The following HGSNAT variants were observed in gnomAD, a reference collection of about 807,000 sequenced individuals.
The protein encoded by HGSNAT is transmembrane protein 76.
In HGSNAT, 59 loss-of-function variants were observed where a neutral mutation model predicts 85.2. That is an observed-to-expected ratio of 0.69 (90% CI 0.56 to 0.86). The LOEUF (loss-of-function observed/expected upper bound fraction) is 0.86, where lower values mean the gene tolerates loss of function less well. Among genes scored for constraint, HGSNAT ranks in the 40% least tolerant of loss-of-function variants. HGSNAT has a pLI of 0.00. For synonymous variants in HGSNAT, 321 were observed against 304.5 expected (o/e 1.05, Z -0.56); for missense variants, 756 against 777.1 (o/e 0.97, Z 0.32).
rs149500438 is a variant in HGSNAT at position 43,197,294 on chromosome 8, G to T, written c.1542+269G>T. On this transcript the variant is annotated intron_variant, in intron 15 of 17. Coordinates refer to ENST00000379644, the MANE Select transcript of HGSNAT (RefSeq NM_152419.3). ...AAATGTGAGGTATGGGCTCTGTGTGGAGAGGCGTATCAGAGAGACTGGGCA... is the reference window on the plus strand; with the variant it reads ...AAATGTGAGGTATGGGCTCTGTGTGTAGAGGCGTATCAGAGAGACTGGGCA... 484 of 552,580 alleles carry T rather than the reference G, an allele frequency of 8.8e-4. 3 individuals are homozygous for T. In the East Asian group the frequency reaches 0.013, roughly 15 times the overall value. The allele number at this position is 552,580 out of a possible 1,614,324, so 34.2% of individuals were successfully genotyped here.
At chr8:43,197,609 G>C in intron 15 of HGSNAT, 63 bp from the exon 16 acceptor site, 5 of 1,247,810 alleles carry the variant, frequency 4.0e-6, no homozygotes, top group Non-Finnish European at 5.9e-6. Context: ...TATTGGTGTT[G>C]AAACCAAGTG....
intron 2 of HGSNAT, among the ~76,000 whole-genome samples, chr8:43,155,004 CTG>C (rs1175518808): frequency 3.9e-5 from 6 of 152,186 alleles, no homozygotes; most frequent in Non-Finnish European, 2.9e-5. Flanking sequence ...TGAGAAGTGT[CTG>C]TTCATATCCT....
chr8:43,177,102 A>C (rs1299281759), intron 9 of HGSNAT, among the ~76,000 whole-genome samples: 1 of 152,190 alleles, frequency 6.6e-6, no homozygotes, highest in African/African-American at 2.4e-5. Flanking sequence ...AACAGTGGTG[A>C]AAAGTAGGCA....
At chr8:43,175,778 G>A (rs948402356) in intron 9 of HGSNAT, among the ~76,000 whole-genome samples, 4 of 151,600 alleles carry the variant, frequency 2.6e-5, no homozygotes, top group African/African-American at 9.7e-5. Flanking sequence ...TGTTGGCCAG[G>A]CTGGTCTTGA....
Position 43,150,006 on chromosome 8 carries a change from G to A in HGSNAT, c.234+2943G>A, listed in dbSNP as rs562778812. On this transcript the variant is annotated intron_variant, in intron 2 of 17. Transcript: ENST00000379644. Reference sequence around the variant, plus strand: ...GAGTCTTGCTCTGTCGCCCAGGCTGGAGTGCAGTGGCACGATCTCACCTCA... The same window carrying A: ...GAGTCTTGCTCTGTCGCCCAGGCTGAAGTGCAGTGGCACGATCTCACCTCA... Among the ~76,000 whole-genome samples, 3 of 151,818 alleles carry A rather than the reference G, an allele frequency of 2.0e-5. No homozygotes were observed. In the South Asian group the frequency reaches 6.3e-4, roughly 32 times the overall value.
At chr8:43,197,156 G>A (rs1804752639) in intron 15 of HGSNAT, 131 bp downstream of exon 15, 1 of 658,332 alleles carries the variant, frequency 1.5e-6, no homozygotes, top group African/African-American at 1.8e-5. Flanking sequence ...TTCTTCACTT[G>A]AATAACAGAG....
chr8:43,158,949 G>A lies in HGSNAT; in HGVS notation c.398G>A (p.Gly133Glu). Residue 133 changes from glycine (G) to glutamate (E), a missense_variant, in exon 4 of 18, where the codon GGA (glycine) becomes GAA (glutamate). Coordinates refer to ENST00000379644, the MANE Select transcript of HGSNAT (RefSeq NM_152419.3). ...TTGGAATACAGATTTGGAGAATTTG[G>A]AAACTATTCTCTCTTGGTAAAGAAC... The part of the protein sequence containing the change: ...CRLEYRFGEF[G>E]NYSLLVKNIH... 3 of 1,611,300 alleles carry A rather than the reference G, an allele frequency of 1.9e-6. No homozygotes were observed. Among genetic ancestry groups the A allele is most frequent in the Non-Finnish European group, 2.5e-6 (3 of 1,178,156 alleles).
At chr8:43,198,010 G>A in intron 17 of HGSNAT, 58 bp downstream of exon 17, 3 of 1,223,020 alleles carry the variant, frequency 2.5e-6, no homozygotes, top group Middle Eastern at 2.2e-4. Flanking sequence ...CAGGCCCAGG[G>A]ACCTCTGGAG....
intron 2 of HGSNAT, among the ~76,000 whole-genome samples, chr8:43,150,101 C>T (rs1433340325): frequency 1.3e-5 from 2 of 152,110 alleles, no homozygotes; most frequent in Middle Eastern, 3.4e-3. Context: ...GGACTACAGG[C>T]GCCCGCCACC....
At chr8:43,196,811 G>T in intron 14 of HGSNAT, 137 bp from the exon 15 acceptor site, 1 of 647,128 alleles carries the variant, frequency 1.5e-6, no homozygotes, top group Non-Finnish European at 2.8e-6. Context: ...GATGTTTCCC[G>T]CCTCCCTGTA....
intron 10 of HGSNAT, chr8:43,181,923 T>C (rs944409189): frequency 1.5e-5 from 8 of 547,908 alleles, no homozygotes; most frequent in Non-Finnish European, 2.3e-5. Flanking sequence ...TTGAGCCATG[T>C]CCCTGACTGA....
In HGSNAT at chr8:43,168,936, G is replaced by A. The variant is rs187395153; in HGVS notation, c.564-237G>A. The stretch of plus-strand genomic sequence containing the variant: ...TTACCTTCTGAAGTCTTTAATGAAA[G>A]CTCTGTCATCATTCCTGTTTTATTG... On this transcript the variant is annotated intron_variant, in intron 5 of 17. Transcript: ENST00000379644. 7.0e-4 allele frequency among the ~76,000 whole-genome samples: 106 copies of A among 152,320 alleles called. No homozygotes were observed. The South Asian group carries it at 8.1e-3, about 12-fold the overall frequency.
At chr8:43,167,660 G>T (rs1020913915) in intron 5 of HGSNAT, among the ~76,000 whole-genome samples, 9 of 152,044 alleles carry the variant, frequency 5.9e-5, no homozygotes, top group Non-Finnish European at 1.0e-4. Flanking sequence ...TTATTGTGGT[G>T]GTCTGGGACC....
At chr8:43,153,944 C>T (rs1014048410) in intron 2 of HGSNAT, among the ~76,000 whole-genome samples, 6 of 152,110 alleles carry the variant, frequency 3.9e-5, no homozygotes, top group Non-Finnish European at 5.9e-5. Context: ...GTCCATTCAT[C>T]GGTTGATGGA....
intron 10 of HGSNAT, among the ~76,000 whole-genome samples, chr8:43,180,101 G>GC (rs1183397820): frequency 5.7e-5 from 2 of 35,094 alleles, no homozygotes; most frequent in Admixed American, 3.4e-4. Context: ...GCGGCTGGCC[G>GC]ACCCCCCCCC....
At chr8:43,164,969 A>G (rs1244721348) in intron 5 of HGSNAT, among the ~76,000 whole-genome samples, 2 of 148,516 alleles carry the variant, frequency 1.3e-5, no homozygotes, top group Admixed American at 6.8e-5. Flanking sequence ...GACCTTATTG[A>G]CCTCCCAGGC....
chr8:43,154,877 C>T (rs901915987), intron 2 of HGSNAT, among the ~76,000 whole-genome samples: 12 of 152,088 alleles, frequency 7.9e-5, no homozygotes, highest in African/African-American at 1.4e-4. Context: ...TTTTAATGAT[C>T]GCCATTCTAA....
chr8:43,157,057 T>C (rs1803116986), intron 2 of HGSNAT, among the ~76,000 whole-genome samples: 1 of 152,162 alleles, frequency 6.6e-6, no homozygotes, highest in South Asian at 2.1e-4. Context: ...TATTAAAAAT[T>C]TAAAACTTAT....
intron 14 of HGSNAT, 154 bp downstream of exon 14, chr8:43,193,997 C>A: frequency 3.6e-6 from 5 of 1,384,806 alleles, no homozygotes; most frequent in Non-Finnish European, 4.7e-6. Flanking sequence ...TGTGCAGAAC[C>A]AAAAGTTACT....
Sources: allele counts gnomAD v4.1 joint callset (sites outside exome capture counted in the v4.1 genomes callset), GRCh38; gene constraint gnomAD v4.1.1; transcripts MANE v1.5; gene names NCBI Gene and HGNC (gene_info 2026-07-23, HGNC 2026-07-21).